Variants in ERV3-1 observed in about 807,000 individuals in gnomAD.
The protein encoded by ERV3-1 is endogenous retrovirus group 3 member 1, envelope, also known as endogenous retrovirus group 3 member 1 Env polyprotein.
In ERV3-1, 36 loss-of-function variants were observed where a neutral mutation model predicts 24.6. The ratio of observed to expected loss-of-function variants is 1.47; its 90% CI spans 1.12 to 1.94. The LOEUF is 1.94. ERV3-1 is among the 30% of genes most tolerant of loss of function. ERV3-1 has a pLI of 0.00. For synonymous variants in ERV3-1, 211 were observed against 122.6 expected, an observed-to-expected ratio of 1.72 and a Z score of -4.76; for missense variants, 578 against 330.9, an observed-to-expected ratio of 1.75 and a Z score of -5.79.
chr7:64,992,721 A>C lies in ERV3-1; in HGVS notation c.306T>G (p.Asp102Glu), dbSNP rs1786307281. The part of the protein sequence containing the change: ...FEIHVGSKEG[D>E]LLNQTKVFPS... ...GAAATACCTTGGTTTGGTTTAGAAG[A>C]TCCCCTTCCTTTGACCCGACATGAA... The change falls in exon 2 of 2, where the codon GAT becomes GAG. Residue 102 changes from aspartate to glutamate, a missense_variant. Physicochemically the swap from Asp to Glu is conservative, Grantham distance 45. Coordinates refer to ENST00000394323, the MANE Select transcript of ERV3-1 (RefSeq NM_001007253.4). 1.3e-6 allele frequency: 1 copy of C among 766,298 alleles called. No individual in the cohort carries two copies. The allele number at this position is 766,298 out of a possible 1,614,324, so 47.5% of individuals were successfully genotyped here.
chr7:65,006,365 G>A, intron 1 of ERV3-1, 176 bp downstream of exon 1: 1 of 1,091,924 alleles, frequency 9.2e-7, no homozygotes, highest in Middle Eastern at 2.2e-4. Flanking sequence ...CGAGCTGTCA[G>A]CCCGGCCGCC....
In ERV3-1 at chr7:64,993,003, G is replaced by T; in HGVS notation, c.24C>A (p.Leu8=). 1 of 763,154 alleles carries T rather than the reference G, an allele frequency of 1.3e-6. No homozygotes were observed. The highest frequency in any genetic ancestry group is 1.3e-5 in the South Asian group (1 of 74,496). The allele number at this position is 763,154 out of a possible 1,614,324, so 47.3% of individuals were successfully genotyped here. A position where few individuals can be genotyped will look rare whatever the true frequency, so the allele number is the denominator to read the frequency against. The part of the protein sequence containing the change: MLGMNML[L]ITLFLLLPLS... ...AGGGGAGTAGCAAGAACAAAGTGAT[G>T]AGTAGCATGTTCATACCCAGCATGG... Residue 8 remains leucine, a synonymous_variant, in exon 2 of 2, where the codon CTC becomes CTA. Transcript: ENST00000394323.
At position 65,001,650 on chromosome 7, in the gene ERV3-1, G is replaced by A. The variant is rs1358165625; in HGVS notation, c.-389+4891C>T. Among the ~76,000 whole-genome samples the A allele has an allele frequency of 2.0e-5, 3 of 152,262 alleles. No homozygotes were observed. In the East Asian group the frequency reaches 5.8e-4, roughly 29 times the overall value. On this transcript the variant is annotated intron_variant, in intron 1 of 1. Coordinates refer to ENST00000394323, the MANE Select transcript of ERV3-1 (RefSeq NM_001007253.4). ...AGGAGACCTCAAATCCCAGGACAAT[G>A]GGCAGTGTGACAGCCTGTGTACAGG...
rs545099145 is a variant in ERV3-1 at position 64,990,469 on chromosome 7, G to A, written c.*743C>T. On this transcript the variant is annotated 3_prime_UTR_variant, in exon 2 of 2. Transcript: ENST00000394323. Reference sequence around the variant, plus strand: ...ACTTTTATACATGCATCAGGCAGGGGCAAGTCGGGTTTTTGGCGCAAAACC... The same window carrying A: ...ACTTTTATACATGCATCAGGCAGGGACAAGTCGGGTTTTTGGCGCAAAACC... 15 of 182,966 alleles carry A rather than the reference G, an allele frequency of 8.2e-5. No individual in the cohort carries two copies. The South Asian group carries it at 2.2e-3, about 27-fold the overall frequency. The allele number at this position is 182,966 out of a possible 1,614,324, so 11.3% of individuals were successfully genotyped here. A position where few individuals can be genotyped will look rare whatever the true frequency, so the allele number is the denominator to read the frequency against.
At chr7:64,993,658 T>C (rs558147355) in intron 1 of ERV3-1, among the ~76,000 whole-genome samples, 1 of 152,232 alleles carries the variant, frequency 6.6e-6, no homozygotes, top group South Asian at 2.1e-4. Flanking sequence ...TTACCCTTAA[T>C]TTGACTTATG....
chr7:65,006,676 G>GCCGCCAGAGACAAAGGCC lies in ERV3-1; in HGVS notation c.-525_-524insGGCCTTTGTCTCTGGCGG. 2.0e-6 allele frequency: 3 copies of GCCGCCAGAGACAAAGGCC among 1,479,696 alleles called. No individual in the cohort carries two copies. Among genetic ancestry groups the GCCGCCAGAGACAAAGGCC allele is most frequent in the Non-Finnish European group, 2.8e-6 (3 of 1,064,864 alleles). 91.7% of individuals were successfully genotyped at this position (1,479,696 alleles called of 1,614,324 possible). A position where few individuals can be genotyped will look rare whatever the true frequency, so the allele number is the denominator to read the frequency against. The stretch of plus-strand genomic sequence containing the variant: ...GAAGACTACACCAGAAGCTCCGGCT[G>GCCGCCAGAGACAAAGGCC]CCGCCAGAGACAAAGGCCCCACCAA... On this transcript the variant is annotated 5_prime_UTR_variant, in exon 1 of 2. Transcript: ENST00000394323.
At chr7:64,995,194 T>C (rs1036296031) in intron 1 of ERV3-1, among the ~76,000 whole-genome samples, 1 of 152,226 alleles carries the variant, frequency 6.6e-6, no homozygotes, top group Non-Finnish European at 1.5e-5. Context: ...ATGTGGTACC[T>C]GGATGGTCAA....
intron 1 of ERV3-1, among the ~76,000 whole-genome samples, chr7:64,997,216 C>G (rs1282475505): frequency 6.6e-6 from 1 of 152,172 alleles, no homozygotes; most frequent in Non-Finnish European, 1.5e-5. Context: ...CGGCCTTTTT[C>G]TTAAGTCTGA....
intron 1 of ERV3-1, among the ~76,000 whole-genome samples, chr7:65,001,225 G>A (rs1187914176): frequency 6.6e-6 from 1 of 152,200 alleles, no homozygotes. Context: ...TAATGTACGT[G>A]TAAGGAATGG....
intron 1 of ERV3-1, among the ~76,000 whole-genome samples, chr7:65,001,287 T>C (rs762100198): frequency 1.6e-4 from 24 of 152,174 alleles, no homozygotes; most frequent in Non-Finnish European, 2.9e-4. Flanking sequence ...TTTATTTCTG[T>C]GTCCATGCAG....
intron 1 of ERV3-1, among the ~76,000 whole-genome samples, chr7:65,000,255 CGCTGTT>C (rs1786490664): frequency 6.6e-6 from 1 of 151,854 alleles, no homozygotes; most frequent in African/African-American, 2.4e-5. Context: ...TGGAGTCTCA[CGCTGTT>C]GCCCAGGGTG....
In ERV3-1 at chr7:64,991,329, T is replaced by C. The variant is rs116381104; in HGVS notation, c.1698A>G (p.Gly566=). The C allele has an allele frequency of 2.8e-3, 1,965 of 706,604 alleles. 20 individuals are homozygous for C. The highest frequency in any genetic ancestry group is 0.024 in the African/African-American group (1,388 of 57,690). The allele number at this position is 706,604 out of a possible 1,614,324, so 43.8% of individuals were successfully genotyped here. Residue 566 remains glycine, a synonymous_variant, in exon 2 of 2, where the codon GGA becomes GGG. Coordinates refer to ENST00000394323, the MANE Select transcript of ERV3-1 (RefSeq NM_001007253.4). ...YLLAQEEGVC[G]KFNLTNCCLE... ...GGCAGCAGTTAGTAAGGTTGAACTT[T>C]CCGCATACTCCCTCTTCCTGGGCTA...
intron 1 of ERV3-1, among the ~76,000 whole-genome samples, chr7:64,994,217 T>G (rs1190408221): frequency 6.6e-6 from 1 of 152,134 alleles, no homozygotes; most frequent in Non-Finnish European, 1.5e-5. Context: ...TAAATATTGT[T>G]CACAAACAGC....
At chr7:64,998,836 A>G (rs1786461419) in intron 1 of ERV3-1, among the ~76,000 whole-genome samples, 1 of 152,136 alleles carries the variant, frequency 6.6e-6, no homozygotes, top group Admixed American at 6.5e-5. Context: ...CAGATGGTAC[A>G]GTCTATGCTA....
intron 1 of ERV3-1, among the ~76,000 whole-genome samples, chr7:65,001,986 G>C (rs889679926): frequency 2.6e-5 from 4 of 152,096 alleles, no homozygotes; most frequent in African/African-American, 4.8e-5. Flanking sequence ...TAATTTTATA[G>C]AGCTGCTCAC....
At chr7:64,999,420 C>G (rs978612544) in intron 1 of ERV3-1, among the ~76,000 whole-genome samples, 1 of 152,176 alleles carries the variant, frequency 6.6e-6, no homozygotes, top group Non-Finnish European at 1.5e-5. Context: ...CCAGCCCAGC[C>G]GATGAACATC....
intron 1 of ERV3-1, among the ~76,000 whole-genome samples, chr7:64,998,031 C>A (rs1450782115): frequency 6.6e-6 from 1 of 152,160 alleles, no homozygotes; most frequent in Non-Finnish European, 1.5e-5. Flanking sequence ...TCCTTCTTGA[C>A]CTCCTGAGGT....
intron 1 of ERV3-1, among the ~76,000 whole-genome samples, chr7:64,996,244 G>A (rs968713115): frequency 1.3e-5 from 2 of 152,118 alleles, no homozygotes; most frequent in African/African-American, 4.8e-5. Context: ...CAGGGTGACT[G>A]GCATTGGATT....
At chr7:64,994,362 C>T (rs1786356053) in intron 1 of ERV3-1, among the ~76,000 whole-genome samples, 1 of 152,168 alleles carries the variant, frequency 6.6e-6, no homozygotes, top group African/African-American at 2.4e-5. Flanking sequence ...GGCCGACCTC[C>T]CATCAGAAAA....
Sources: allele counts gnomAD v4.1 joint callset (sites outside exome capture counted in the v4.1 genomes callset), GRCh38; gene constraint gnomAD v4.1.1; transcripts MANE v1.5; gene names NCBI Gene and HGNC (gene_info 2026-07-23, HGNC 2026-07-21).